Variants in KCNAB1 observed in about 807,000 individuals in gnomAD.
KCNAB1 encodes potassium voltage-gated channel subfamily A regulatory beta subunit 1.
Under a neutral mutation model 64.6 loss-of-function variants are expected in KCNAB1, and 35 were observed. That is an observed-to-expected ratio of 0.54 (90% CI 0.41 to 0.72). The LOEUF is 0.72. Among genes scored for constraint, KCNAB1 ranks in the 30% least tolerant of loss-of-function variants. KCNAB1 has a pLI of 0.00. For synonymous variants in KCNAB1, 177 were observed against 183.8 expected, an observed-to-expected ratio of 0.96 and a Z score of 0.30; for missense variants, 401 against 512.9, an observed-to-expected ratio of 0.78 and a Z score of 2.11.
At chr3:156,150,280 A>G (rs767736517) in intron 1 of KCNAB1, among the ~76,000 whole-genome samples, 1 of 152,238 alleles carries the variant, frequency 6.6e-6, no homozygotes. Flanking sequence ...TAAAATAAGT[A>G]TGTTTTCAAA....
At chr3:156,348,216 G>C (rs937411322) in intron 1 of KCNAB1, among the ~76,000 whole-genome samples, 1 of 152,186 alleles carries the variant, frequency 6.6e-6, no homozygotes, top group Non-Finnish European at 1.5e-5. Flanking sequence ...GGCCTAAAAA[G>C]GAGGGGATAG....
chr3:156,174,532 G>A (rs1712220041), intron 1 of KCNAB1, among the ~76,000 whole-genome samples: 1 of 152,172 alleles, frequency 6.6e-6, no homozygotes, highest in Admixed American at 6.5e-5. Flanking sequence ...ACTCATTAAG[G>A]AATGGGTGAG....
chr3:156,220,463 G>T (rs1001559408), intron 1 of KCNAB1, among the ~76,000 whole-genome samples: 5 of 152,204 alleles, frequency 3.3e-5, no homozygotes, highest in African/African-American at 1.2e-4. Flanking sequence ...TTTCTCTGAT[G>T]ACCAGTGATG....
At chr3:156,374,164 C>T (rs1396311748) in intron 1 of KCNAB1, among the ~76,000 whole-genome samples, 5 of 152,180 alleles carry the variant, frequency 3.3e-5, no homozygotes, top group African/African-American at 9.6e-5. Flanking sequence ...AGTGACCAGG[C>T]GCCAGCTGCC....
chr3:156,331,121 C>T (rs1723299629), intron 1 of KCNAB1, among the ~76,000 whole-genome samples: 1 of 152,158 alleles, frequency 6.6e-6, no homozygotes, highest in East Asian at 1.9e-4. Context: ...TAATCAGTCA[C>T]TGGAAACCTG....
At chr3:156,327,408 ATTAAT>A in intron 1 of KCNAB1, among the ~76,000 whole-genome samples, 1 of 152,266 alleles carries the variant, frequency 6.6e-6, no homozygotes, top group South Asian at 2.1e-4. Context: ...ATCAGGATAT[ATTAAT>A]TTCTATATGC....
intron 1 of KCNAB1, among the ~76,000 whole-genome samples, chr3:156,411,615 C>T (rs572665026): frequency 2.1e-4 from 32 of 152,222 alleles, no homozygotes; most frequent in Admixed American, 3.3e-4. Context: ...GTTGAATAAA[C>T]AATCCTTTCT....
In KCNAB1 at chr3:156,439,555, A is replaced by G. The variant is rs116573871; in HGVS notation, c.320-13344A>G. ...CCATCTCACTTTGACACTATCACGAAGTGTGCACACAGGCCTTTTGATGGC... is the reference window on the plus strand; with the variant it reads ...CCATCTCACTTTGACACTATCACGAGGTGTGCACACAGGCCTTTTGATGGC... On this transcript the variant is annotated intron_variant, in intron 2 of 13. Transcript: ENST00000490337. 3.1e-3 allele frequency among the ~76,000 whole-genome samples: 475 copies of G among 152,298 alleles called. 4 individuals carry two copies. Among genetic ancestry groups the G allele is most frequent in the African/African-American group, 0.011 (441 of 41,552 alleles).
At chr3:156,490,376 C>T (rs931414562) in intron 8 of KCNAB1, among the ~76,000 whole-genome samples, 4 of 152,080 alleles carry the variant, frequency 2.6e-5, no homozygotes, top group Admixed American at 2.0e-4. Flanking sequence ...CAAGGATCAT[C>T]TGACATTCAA....
At chr3:156,518,822 G>A (rs1717743527) in intron 11 of KCNAB1, among the ~76,000 whole-genome samples, 1 of 152,140 alleles carries the variant, frequency 6.6e-6, no homozygotes, top group Non-Finnish European at 1.5e-5. Context: ...CTTCACTGCT[G>A]AACTGCACAG....
At chr3:156,234,811 T>G (rs1560150573) in intron 1 of KCNAB1, among the ~76,000 whole-genome samples, 2 of 152,160 alleles carry the variant, frequency 1.3e-5, no homozygotes, top group African/African-American at 4.8e-5. Flanking sequence ...GAGTTAATGT[T>G]TCTCCCTGAA....
chr3:156,246,970 A>G (rs192217103), intron 1 of KCNAB1, among the ~76,000 whole-genome samples: 12 of 152,296 alleles, frequency 7.9e-5, no homozygotes, highest in African/African-American at 2.4e-4. Context: ...GATTGGAAGG[A>G]GCTCTTTCAG....
intron 1 of KCNAB1, among the ~76,000 whole-genome samples, chr3:156,266,181 A>G (rs1211755516): frequency 6.6e-6 from 1 of 151,980 alleles, no homozygotes; most frequent in Non-Finnish European, 1.5e-5. Context: ...CCCCTTCCTC[A>G]TTCCTACCCC....
At chr3:156,291,202 C>T (rs1720387103) in intron 1 of KCNAB1, 3 of 985,838 alleles carry the variant, frequency 3.0e-6, no homozygotes, top group Non-Finnish European at 3.6e-6. Context: ...GCCTGCTCCT[C>T]CGTGCAGCTG....
At chr3:156,362,288 G>C (rs1404970357) in intron 1 of KCNAB1, among the ~76,000 whole-genome samples, 2 of 152,180 alleles carry the variant, frequency 1.3e-5, no homozygotes, top group South Asian at 2.1e-4. Flanking sequence ...ATTGTAATGA[G>C]AAACAATTGT....
chr3:156,518,915 C>T (rs1465712551), intron 11 of KCNAB1, among the ~76,000 whole-genome samples: 1 of 152,222 alleles, frequency 6.6e-6, no homozygotes, highest in Admixed American at 6.5e-5. Flanking sequence ...TATCCTCACC[C>T]CCAGAACCTG....
At chr3:156,336,791 T>A (rs936737417) in intron 1 of KCNAB1, among the ~76,000 whole-genome samples, 2 of 152,212 alleles carry the variant, frequency 1.3e-5, no homozygotes, top group Non-Finnish European at 2.9e-5. Context: ...GAACCAGTTG[T>A]GGAGTTTGGT....
chr3:156,278,899 A>G (rs1719516038), intron 1 of KCNAB1, among the ~76,000 whole-genome samples: 1 of 152,138 alleles, frequency 6.6e-6, no homozygotes, highest in African/African-American at 2.4e-5. Context: ...AACATTCATA[A>G]TTTCAAATTC....
intron 1 of KCNAB1, among the ~76,000 whole-genome samples, chr3:156,149,828 C>T (rs1414908798): frequency 6.6e-6 from 1 of 152,132 alleles, no homozygotes; most frequent in Non-Finnish European, 1.5e-5. Flanking sequence ...TTTCATCCTC[C>T]CAGGACCCTC....
Sources: allele counts gnomAD v4.1 joint callset (sites outside exome capture counted in the v4.1 genomes callset), GRCh38; gene constraint gnomAD v4.1.1; transcripts MANE v1.5; gene names NCBI Gene and HGNC (gene_info 2026-07-23, HGNC 2026-07-21).